EML1: variants seen among roughly 807,000 people sequenced by gnomAD.
The protein encoded by EML1 is EMAP like 1, also known as echinoderm microtubule-associated protein-like 1.
A neutral mutation model predicts 110.4 loss-of-function variants in EML1; 27 were observed. That is an observed-to-expected ratio of 0.24 (90% CI 0.18 to 0.34). EML1 has a LOEUF of 0.34. Among genes scored for constraint, EML1 ranks in the 10% least tolerant of loss-of-function variants. The pLI is 1.00. For synonymous variants in EML1, 344 were observed against 385.8 expected (o/e 0.89, Z 1.27); for missense variants, 741 against 1,030.9 (o/e 0.72, Z 3.85).
intron 1 of EML1, among the ~76,000 whole-genome samples, chr14:99,747,187 CA>C (rs35376029): frequency 0.14 from 12,909 of 95,222 alleles, 585 homozygotes; most frequent in East Asian, 0.21. Context: ...GACCCCGTCT[CA>C]AAAAAAAAAA....
chr14:99,773,420 A>C (rs1383090670), exon 1 of EML1: 1 of 152,254 alleles, frequency 6.6e-6, no homozygotes, highest in African/African-American at 2.4e-5. Context: ...CAGGCTGCAA[A>C]GACCCCAGGA....
intron 4 of EML1, chr14:99,885,746 T>G: frequency 2.9e-6 from 1 of 350,470 alleles, no homozygotes; most frequent in Non-Finnish European, 5.6e-6. Context: ...ATACAAAGGT[T>G]TTTGCAGTGA....
At position 99,805,809 on chromosome 14, in the gene EML1, T is replaced by A. The variant is rs567062909; in HGVS notation, c.67+12266T>A. 3.3e-5 allele frequency among the ~76,000 whole-genome samples: 5 copies of A among 152,148 alleles called. No homozygotes were observed. In the South Asian group the frequency reaches 1.0e-3, roughly 32 times the overall value. On this transcript the variant is annotated intron_variant, in intron 1 of 21. Transcript: ENST00000262233. ...CTTTTTTTTTCAAAAAAAAATTTAA[T>A]CATGGTAAAATACATATAAAATTTA... is the stretch of plus-strand genomic sequence containing the variant.
rs1178360536 is a variant in EML1 at position 99,907,107 on chromosome 14, G to A, written c.1009-531G>A. On this transcript the variant is annotated intron_variant, in intron 9 of 21. Transcript: ENST00000262233. ...CTGGCCCTTCTCTTCCCCAATTCCT[G>A]TTTCTTCATTCCCCATCATTTACCT... is the stretch of plus-strand genomic sequence containing the variant. The A allele has an allele frequency of 2.0e-5, 3 of 153,084 alleles. No homozygotes were observed. The East Asian group carries it at 5.8e-4, about 29-fold the overall frequency. The allele number at this position is 153,084 out of a possible 1,614,324, so 9.5% of individuals were successfully genotyped here.
At chr14:99,775,427 A>G (rs1407924144) in intron 1 of EML1, among the ~76,000 whole-genome samples, 1 of 152,126 alleles carries the variant, frequency 6.6e-6, no homozygotes, top group Non-Finnish European at 1.5e-5. Context: ...GTGGCTGGGG[A>G]AATGTGGAGC....
rs942109505 is a variant in EML1 at position 99,812,063 on chromosome 14, G to A, written c.67+18520G>A. Among the ~76,000 whole-genome samples, 8 of 151,802 alleles carry A rather than the reference G, an allele frequency of 5.3e-5. 1 individual carries two copies. Among genetic ancestry groups the A allele is most frequent in the East Asian group, 1.9e-4 (1 of 5,178 alleles). ...AACCCACAGTGTTCAAGAGTCACCC[G>A]TACTTATTTCTCTACTCTCCTGTCT... On this transcript the variant is annotated intron_variant, in intron 1 of 21. Coordinates refer to ENST00000262233, the MANE Select transcript of EML1 (RefSeq NM_004434.3).
chr14:99,894,450 T>C, intron 5 of EML1, 179 bp from the exon 6 acceptor site: 1 of 709,092 alleles, frequency 1.4e-6, no homozygotes. Flanking sequence ...GCAAACAAGA[T>C]GCAAACTTTT....
chr14:99,817,405 G>T (rs1280793380), intron 1 of EML1, among the ~76,000 whole-genome samples: 9 of 152,204 alleles, frequency 5.9e-5, no homozygotes, highest in Admixed American at 1.3e-4. Context: ...AAAGGCCTTT[G>T]TATATGAACT....
At chr14:99,819,731 G>A (rs1170479064) in intron 1 of EML1, among the ~76,000 whole-genome samples, 2 of 152,216 alleles carry the variant, frequency 1.3e-5, no homozygotes, top group Non-Finnish European at 2.9e-5. Flanking sequence ...AGCAGACATG[G>A]GAGGGGGAAA....
chr14:99,886,130 G>A (rs2059470445), intron 4 of EML1: 1 of 249,152 alleles, frequency 4.0e-6, no homozygotes, highest in Non-Finnish European at 8.0e-6. Context: ...TTATTTCCAT[G>A]GTGGAGTATT....
intron 17 of EML1, among the ~76,000 whole-genome samples, chr14:99,929,707 AAGAG>A (rs138041566): frequency 1.3e-5 from 2 of 151,740 alleles, no homozygotes; most frequent in Non-Finnish European, 2.9e-5. Flanking sequence ...CCTAAGACTA[AAGAG>A]AGAGAGAGAG....
Position 99,760,083 on chromosome 14 carries a change from C to CAAAAAAAAAAAAAAA in EML1, c.28+22239_28+22253dup, listed in dbSNP as rs61619098. ...GGGCAACAAGAGCTAGACTCCCTCTCAAAAAAAAAAAAAAAAAAAAAAAAA... is the reference window on the plus strand; with the variant it reads ...GGGCAACAAGAGCTAGACTCCCTCTCAAAAAAAAAAAAAAAAAAAAAAAAAAAAAAAAAAAAAAAA... On this transcript the variant is annotated intron_variant, in intron 1 of 10. Coordinates refer to the EML1 transcript ENST00000554479. 1.5e-4 allele frequency among the ~76,000 whole-genome samples: 7 copies of CAAAAAAAAAAAAAAA among 47,146 alleles called. 1 individual carries two copies. The highest frequency in any genetic ancestry group is 5.9e-4 in the African/African-American group (6 of 10,182). 30.9% of individuals were successfully genotyped at this position (47,146 alleles called of 152,430 possible). A position where few individuals can be genotyped will look rare whatever the true frequency, so the allele number is the denominator to read the frequency against.
At position 99,911,590 on chromosome 14, in the gene EML1, G is replaced by A. The variant is rs2059947743; in HGVS notation, c.1494+14G>A. 2 of 1,605,534 alleles carry A rather than the reference G, an allele frequency of 1.2e-6. No homozygotes were observed. Among genetic ancestry groups the A allele is most frequent in the Non-Finnish European group, 8.5e-7 (1 of 1,178,294 alleles). On this transcript the variant is annotated intron_variant, in intron 13 of 21. Transcript: ENST00000262233. ...CGTAAAACGGAGGTAAGTCATCAAG[G>A]CTACTGCTAAAATTTGTTTTTAACC...
At chr14:99,858,204 G>A (rs1219364961) in intron 2 of EML1, among the ~76,000 whole-genome samples, 1 of 131,972 alleles carries the variant, frequency 7.6e-6, no homozygotes, top group Admixed American at 7.0e-5. Flanking sequence ...TTTTTTTTAG[G>A]CAGAGTTTTT....
chr14:99,865,883 T>G (rs544342313), intron 3 of EML1, among the ~76,000 whole-genome samples: 1 of 152,258 alleles, frequency 6.6e-6, no homozygotes, highest in Non-Finnish European at 1.5e-5. Flanking sequence ...GTGTGGTGTT[T>G]TGTATTTTTA....
At chr14:99,867,869 G>A (rs2059128598) in intron 3 of EML1, among the ~76,000 whole-genome samples, 1 of 151,996 alleles carries the variant, frequency 6.6e-6, no homozygotes, top group Admixed American at 6.5e-5. Flanking sequence ...GAATAATAGT[G>A]GCAAGAGTGG....
intron 3 of EML1, among the ~76,000 whole-genome samples, chr14:99,870,128 C>T (rs1346055838): frequency 6.6e-6 from 1 of 152,082 alleles, no homozygotes; most frequent in Non-Finnish European, 1.5e-5. Flanking sequence ...CCAGTGAACA[C>T]GTGAATGATA....
At chr14:99,777,043 C>T (rs1443388385) in intron 1 of EML1, among the ~76,000 whole-genome samples, 1 of 152,152 alleles carries the variant, frequency 6.6e-6, no homozygotes, top group African/African-American at 2.4e-5. Context: ...AAGGAAAGGT[C>T]CTCTCTGAGC....
At chr14:99,756,725 G>A (rs1333011029) in intron 1 of EML1, among the ~76,000 whole-genome samples, 1 of 152,166 alleles carries the variant, frequency 6.6e-6, no homozygotes, top group Admixed American at 6.5e-5. Context: ...CCCCACACCT[G>A]TGGAATCTGA....
Sources: allele counts gnomAD v4.1 joint callset (sites outside exome capture counted in the v4.1 genomes callset), GRCh38; gene constraint gnomAD v4.1.1; transcripts MANE v1.5; gene names NCBI Gene and HGNC (gene_info 2026-07-23, HGNC 2026-07-21).